KCND2: variants seen among roughly 807,000 people sequenced by gnomAD.
The protein encoded by KCND2 is potassium voltage-gated channel subfamily D member 2, also known as A-type voltage-gated potassium channel KCND2.
Under a neutral mutation model 54.4 loss-of-function variants are expected in KCND2, and 16 were observed. The ratio of observed to expected loss-of-function variants is 0.29; its 90% CI spans 0.20 to 0.45. The LOEUF (loss-of-function observed/expected upper bound fraction) is 0.45. KCND2 is among the 20% of genes least tolerant of loss of function. The pLI is 1.00. For missense variants in KCND2, 486 were observed against 824.2 expected (o/e 0.59, Z 5.02); for synonymous variants, 317 against 310.7 (o/e 1.02, Z -0.21).
chr7:120,514,468 A>G (rs1803167508), intron 1 of KCND2, among the ~76,000 whole-genome samples: 1 of 152,162 alleles, frequency 6.6e-6, no homozygotes, highest in Non-Finnish European at 1.5e-5. Flanking sequence ...ATTCATATCC[A>G]GATCCTTATG....
At chr7:120,447,786 T>C (rs1207701934) in intron 1 of KCND2, among the ~76,000 whole-genome samples, 1 of 152,194 alleles carries the variant, frequency 6.6e-6, no homozygotes, top group African/African-American at 2.4e-5. Context: ...TAAATTCTTT[T>C]GGGTTTCCAA....
chr7:120,309,479 A>ATATATATATATATT lies in KCND2; in HGVS notation c.1115+33732_1115+33733insTATATATATATATT, dbSNP rs71530038. ...TATATATATATATATATATATACAC[A>ATATATATATATATT]CACACACACACACACACACACACAT... is the stretch of plus-strand genomic sequence containing the variant. On this transcript the variant is annotated intron_variant, in intron 1 of 5. Coordinates refer to ENST00000331113, the MANE Select transcript of KCND2 (RefSeq NM_012281.3). Among the ~76,000 whole-genome samples the ATATATATATATATT allele has an allele frequency of 7.5e-5, 6 of 79,522 alleles. No individual in the cohort carries two copies. In the East Asian group the frequency reaches 2.4e-3, roughly 32 times the overall value. 52.2% of individuals were successfully genotyped at this position (79,522 alleles called of 152,430 possible).
chr7:120,486,934 A>C lies in KCND2; in HGVS notation c.1115+211187A>C, dbSNP rs1442741443. Among the ~76,000 whole-genome samples the C allele has an allele frequency of 2.6e-5, 4 of 152,296 alleles. No homozygotes were observed. The South Asian group carries it at 6.2e-4, about 24-fold the overall frequency. ...TGAACTATTAAAAAATCAGAGCTAC[A>C]AAGGAAACATGCTGCCACGGAACAA... On this transcript the variant is annotated intron_variant, in intron 1 of 5. Coordinates refer to ENST00000331113, the MANE Select transcript of KCND2 (RefSeq NM_012281.3).
At chr7:120,524,251 G>A (rs1197562733) in intron 1 of KCND2, among the ~76,000 whole-genome samples, 1 of 151,678 alleles carries the variant, frequency 6.6e-6, no homozygotes, top group Non-Finnish European at 1.5e-5. Flanking sequence ...AAGAAAAAAA[G>A]CCAAAATTGA....
chr7:120,442,044 T>A (rs1479133861), intron 1 of KCND2, among the ~76,000 whole-genome samples: 1 of 152,112 alleles, frequency 6.6e-6, no homozygotes, highest in African/African-American at 2.4e-5. Context: ...TATACTTGTT[T>A]CCTACTGAAA....
chr7:120,527,041 A>G (rs1791785249), intron 1 of KCND2, among the ~76,000 whole-genome samples: 1 of 152,170 alleles, frequency 6.6e-6, no homozygotes, highest in African/African-American at 2.4e-5. Flanking sequence ...CATCAGATTC[A>G]TTGAGTAATT....
chr7:120,567,724 A>AT (rs945741475), intron 1 of KCND2, among the ~76,000 whole-genome samples: 39 of 152,146 alleles, frequency 2.6e-4, no homozygotes, highest in Admixed American at 1.2e-3. Flanking sequence ...TAAGATTTGT[A>AT]TTTTTTTATT....
chr7:120,593,544 A>G (rs1792697283), intron 1 of KCND2, among the ~76,000 whole-genome samples: 1 of 152,128 alleles, frequency 6.6e-6, no homozygotes, highest in Non-Finnish European at 1.5e-5. Flanking sequence ...CTACAAACCG[A>G]GCTAATAGAC....
chr7:120,682,048 A>G (rs1350357108), intron 1 of KCND2, among the ~76,000 whole-genome samples: 1 of 152,042 alleles, frequency 6.6e-6, no homozygotes. Flanking sequence ...CTTTAATTGT[A>G]GTTGATTGTC....
intron 1 of KCND2, among the ~76,000 whole-genome samples, chr7:120,470,241 C>T (rs529790780): frequency 8.9e-4 from 135 of 152,146 alleles, no homozygotes; most frequent in African/African-American, 2.4e-3. Context: ...TACCACTAGA[C>T]GCTGTAACTA....
At chr7:120,298,606 T>C (rs961028071) in intron 1 of KCND2, among the ~76,000 whole-genome samples, 2 of 152,230 alleles carry the variant, frequency 1.3e-5, no homozygotes, top group African/African-American at 4.8e-5. Context: ...AAAAGTTTTC[T>C]ATGATAAGAA....
chr7:120,385,988 C>G (rs963337464), intron 1 of KCND2, among the ~76,000 whole-genome samples: 4 of 152,102 alleles, frequency 2.6e-5, no homozygotes, highest in Non-Finnish European at 2.9e-5. Flanking sequence ...AGACTGAACA[C>G]ACATTATTTT....
intron 1 of KCND2, among the ~76,000 whole-genome samples, chr7:120,307,006 T>C (rs1273021808): frequency 6.6e-6 from 1 of 152,086 alleles, no homozygotes; most frequent in Non-Finnish European, 1.5e-5. Context: ...TATTCAGGCC[T>C]AAATAGCCTT....
At chr7:120,680,087 A>C (rs41373846) in intron 1 of KCND2, among the ~76,000 whole-genome samples, 1 of 152,010 alleles carries the variant, frequency 6.6e-6, no homozygotes, top group African/African-American at 2.4e-5. Flanking sequence ...CTACAAGACA[A>C]TCTAAAGGAG....
chr7:120,594,111 T>C (rs927840127), intron 1 of KCND2, among the ~76,000 whole-genome samples: 2 of 152,204 alleles, frequency 1.3e-5, no homozygotes, highest in Non-Finnish European at 2.9e-5. Context: ...CCAAACCTCA[T>C]TGAACATCAG....
chr7:120,454,974 C>A (rs1802172711), intron 1 of KCND2, among the ~76,000 whole-genome samples: 1 of 151,798 alleles, frequency 6.6e-6, no homozygotes, highest in Non-Finnish European at 1.5e-5. Flanking sequence ...TACAGTTAAC[C>A]AAGGAGGTAA....
chr7:120,293,790 A>G (rs1211093767), intron 1 of KCND2, among the ~76,000 whole-genome samples: 2 of 151,874 alleles, frequency 1.3e-5, no homozygotes, highest in East Asian at 3.9e-4. Flanking sequence ...TGACTCAGAA[A>G]TGATTGATGT....
At chr7:120,282,180 A>C (rs1799275405) in intron 1 of KCND2, among the ~76,000 whole-genome samples, 1 of 152,132 alleles carries the variant, frequency 6.6e-6, no homozygotes, top group Non-Finnish European at 1.5e-5. Context: ...CCAGTTCCTT[A>C]TGTAAATACG....
chr7:120,742,915 C>A (rs1206341071), intron 4 of KCND2, among the ~76,000 whole-genome samples: 1 of 152,112 alleles, frequency 6.6e-6, no homozygotes, highest in Non-Finnish European at 1.5e-5. Flanking sequence ...ATATCATTTT[C>A]TGTGATTCTT....
Sources: gnomAD v4.1 joint callset for allele counts (sites outside exome capture counted in the v4.1 genomes callset) on GRCh38, gnomAD v4.1.1 for gene constraint, MANE v1.5 for transcripts, NCBI Gene and HGNC (gene_info 2026-07-23, HGNC 2026-07-21) for gene names.